Variants in CDH13 observed in about 807,000 individuals in gnomAD.
CDH13 encodes cadherin-13.
In CDH13, 24 loss-of-function variants were observed where a neutral mutation model predicts 63.8. The ratio of observed to expected loss-of-function variants is 0.38; its 90% confidence interval spans 0.27 to 0.53. The LOEUF (loss-of-function observed/expected upper bound fraction) is 0.53, where lower values mean the gene tolerates loss of function less well. CDH13 is among the 20% of genes least tolerant of loss of function. The probability of loss-of-function intolerance (pLI) is 0.85; values close to 1 mark genes in which losing one functional copy is unlikely to be tolerated. For synonymous variants in CDH13, 503 were observed against 355.3 expected, an observed-to-expected ratio of 1.42 and a Z score of -4.67; for missense variants, 1,049 against 903.1, an observed-to-expected ratio of 1.16 and a Z score of -2.07.
At chr16:83,142,323 G>T (rs528441128) in intron 4 of CDH13, among the ~76,000 whole-genome samples, 1 of 152,114 alleles carries the variant, frequency 6.6e-6, no homozygotes, top group East Asian at 1.9e-4. Context: ...CCCACACCTG[G>T]CTAAGTTTTT....
chr16:83,622,453 C>T (rs1352029532), intron 8 of CDH13, among the ~76,000 whole-genome samples: 1 of 152,218 alleles, frequency 6.6e-6, no homozygotes, highest in African/African-American at 2.4e-5. Context: ...ATGTTGAACA[C>T]AGCACCATTC....
chr16:83,305,458 C>G (rs186111326), intron 5 of CDH13, among the ~76,000 whole-genome samples: 4 of 152,302 alleles, frequency 2.6e-5, no homozygotes, highest in Non-Finnish European at 2.9e-5. Flanking sequence ...CCTGAGGTTT[C>G]CATTCTAATC....
intron 7 of CDH13, among the ~76,000 whole-genome samples, chr16:83,489,807 T>C (rs1215461757): frequency 6.6e-6 from 1 of 152,266 alleles, no homozygotes; most frequent in East Asian, 1.9e-4. Context: ...AGAAAAAACA[T>C]TTAATACAGA....
intron 4 of CDH13, among the ~76,000 whole-genome samples, chr16:83,209,422 T>G (rs1019752194): frequency 6.6e-5 from 10 of 152,126 alleles, no homozygotes; most frequent in Admixed American, 1.3e-4. Context: ...AGGGTATGCA[T>G]AAGTTATTGC....
At chr16:83,684,458 C>T (rs12932980) in intron 10 of CDH13, among the ~76,000 whole-genome samples, 75,165 of 151,980 alleles carry the variant, frequency 0.49, 19,148 homozygotes, top group African/African-American at 0.59. Flanking sequence ...TGAAATGAAA[C>T]ATGGGAACTA....
At chr16:83,316,138 G>C (rs2090100027) in intron 5 of CDH13, among the ~76,000 whole-genome samples, 1 of 152,126 alleles carries the variant, frequency 6.6e-6, no homozygotes, top group African/African-American at 2.4e-5. Context: ...AAAGCCATCA[G>C]ATCTCATGAG....
intron 6 of CDH13, among the ~76,000 whole-genome samples, chr16:83,388,314 C>T (rs773339263): frequency 4.0e-5 from 6 of 150,620 alleles, no homozygotes; most frequent in Admixed American, 4.0e-4. Flanking sequence ...GTTAGCCAGG[C>T]ATGGTGGTAA....
At chr16:83,481,974 A>G (rs992988883) in intron 6 of CDH13, among the ~76,000 whole-genome samples, 8 of 152,286 alleles carry the variant, frequency 5.3e-5, no homozygotes, top group South Asian at 2.1e-4. Flanking sequence ...CCCACAGGCA[A>G]TTGGAGCAGG....
At chr16:83,201,131 G>A (rs553251094) in intron 4 of CDH13, among the ~76,000 whole-genome samples, 1 of 152,192 alleles carries the variant, frequency 6.6e-6, no homozygotes, top group Non-Finnish European at 1.5e-5. Context: ...ATTGATTTAT[G>A]CATTCATTTT....
intron 7 of CDH13, among the ~76,000 whole-genome samples, chr16:83,526,215 G>A (rs1021382305): frequency 1.3e-5 from 2 of 152,166 alleles, no homozygotes; most frequent in Admixed American, 6.5e-5. Context: ...TTGTTTTGTG[G>A]GGGCGGTGGT....
rs948730502 is a variant in CDH13, at chr16:83,305,202, G to A, written c.637-39660G>A. ...TTGTCTGAGAGCTGACTCATTTGTAGGCATCCTCATTTCAGTGTCAGAAGG... is the reference window on the plus strand; with the variant it reads ...TTGTCTGAGAGCTGACTCATTTGTAAGCATCCTCATTTCAGTGTCAGAAGG... On this transcript the variant is annotated intron_variant, in intron 5 of 13. Transcript: ENST00000567109. 2.6e-5 allele frequency among the ~76,000 whole-genome samples: 4 copies of A among 152,252 alleles called. No individual in the cohort carries two copies. In the East Asian group the frequency reaches 7.7e-4, roughly 29 times the overall value.
chr16:83,548,362 G>T (rs1467079924), intron 7 of CDH13, among the ~76,000 whole-genome samples: 2 of 152,086 alleles, frequency 1.3e-5, no homozygotes, highest in Non-Finnish European at 2.9e-5. Context: ...GATGCTACTA[G>T]CATTTCATAG....
At chr16:82,922,709 TGACTA>T (rs2042193359) in intron 2 of CDH13, among the ~76,000 whole-genome samples, 1 of 152,262 alleles carries the variant, frequency 6.6e-6, no homozygotes, top group Non-Finnish European at 1.5e-5. Flanking sequence ...CACATTCTGT[TGACTA>T]GACCTAAGGG....
chr16:82,685,475 A>G (rs1914970563), intron 1 of CDH13, among the ~76,000 whole-genome samples: 1 of 152,208 alleles, frequency 6.6e-6, no homozygotes, highest in South Asian at 2.1e-4. Context: ...CATTTAACAT[A>G]TGGATGTTGG....
chr16:83,658,513 TCACCACCAGG>T, intron 8 of CDH13, among the ~76,000 whole-genome samples: 4 of 140,618 alleles, frequency 2.8e-5, no homozygotes, highest in Non-Finnish European at 3.1e-5. Context: ...TCCCATGTCC[TCACCACCAGG>T]TCCCGTATCC....
intron 2 of CDH13, among the ~76,000 whole-genome samples, chr16:83,021,900 G>A (rs926454897): frequency 2.0e-5 from 3 of 152,108 alleles, no homozygotes; most frequent in Non-Finnish European, 2.9e-5. Context: ...AAGTCTGTAG[G>A]GTGTGCTTCT....
At chr16:83,598,785 A>G (rs1193429287) in intron 7 of CDH13, among the ~76,000 whole-genome samples, 6 of 152,164 alleles carry the variant, frequency 3.9e-5, no homozygotes, top group South Asian at 4.1e-4. Context: ...TGTTTCCTTC[A>G]TTCTCAGGTT....
At chr16:82,987,582 G>GACC (rs2151396441) in intron 2 of CDH13, among the ~76,000 whole-genome samples, 2 of 152,250 alleles carry the variant, frequency 1.3e-5, no homozygotes, top group South Asian at 4.2e-4. Context: ...TCACTATGTT[G>GACC]ACCAGGCTGG....
At chr16:83,247,408 T>C (rs1271059402) in intron 5 of CDH13, among the ~76,000 whole-genome samples, 2 of 152,170 alleles carry the variant, frequency 1.3e-5, no homozygotes, top group African/African-American at 2.4e-5. Context: ...TTCAGTTTAG[T>C]GCATATCCCA....
Sources: allele counts gnomAD v4.1 joint callset (sites outside exome capture counted in the v4.1 genomes callset), GRCh38; gene constraint gnomAD v4.1.1; transcripts MANE v1.5; gene names NCBI Gene and HGNC (gene_info 2026-07-23, HGNC 2026-07-21).